Variants in DYM observed in about 807,000 individuals in gnomAD.
The protein encoded by DYM is dyggve-Melchior-Clausen syndrome protein.
A neutral mutation model predicts 93.1 loss-of-function variants in DYM; 78 were observed. The ratio of observed to expected loss-of-function variants is 0.84; its 90% CI spans 0.70 to 1.01. DYM has a LOEUF of 1.01. DYM is among the 50% of genes least tolerant of loss of function. The pLI is 0.00. For synonymous variants in DYM, 321 were observed against 319.7 expected, an observed-to-expected ratio of 1.00 and a Z score of -0.04; for missense variants, 789 against 845.0, an observed-to-expected ratio of 0.93 and a Z score of 0.82.
chr18:49,091,605 C>A (rs1229130828), intron 17 of DYM, among the ~76,000 whole-genome samples: 1 of 152,160 alleles, frequency 6.6e-6, no homozygotes, highest in African/African-American at 2.4e-5. Context: ...GCGCTGACTG[C>A]CCCAGCCCCA....
chr18:49,186,856 G>A (rs936800704), intron 14 of DYM, among the ~76,000 whole-genome samples: 2 of 151,174 alleles, frequency 1.3e-5, no homozygotes, highest in South Asian at 2.1e-4. Flanking sequence ...AGGGACAAAC[G>A]CTCAGTTGTG....
At chr18:49,081,667 T>TGG (rs2078051796) in intron 17 of DYM, among the ~76,000 whole-genome samples, 1 of 152,220 alleles carries the variant, frequency 6.6e-6, no homozygotes, top group Admixed American at 6.5e-5. Flanking sequence ...TGCAGATGTG[T>TGG]GGTTCAAGGT....
At chr18:49,377,045 G>A (rs2067567535) in intron 5 of DYM, among the ~76,000 whole-genome samples, 1 of 152,052 alleles carries the variant, frequency 6.6e-6, no homozygotes, top group African/African-American at 2.4e-5. Context: ...AAATACACAT[G>A]GTCACTCTGC....
At chr18:49,333,880 A>T in intron 6 of DYM, 27 bp from the exon 7 acceptor site, 2 of 1,594,372 alleles carry the variant, frequency 1.3e-6, no homozygotes, top group Non-Finnish European at 1.7e-6. Flanking sequence ...ACAGAGTAAC[A>T]GTCACTTTGG....
At chr18:49,104,462 G>A (rs1022681388) in intron 16 of DYM, among the ~76,000 whole-genome samples, 2 of 152,180 alleles carry the variant, frequency 1.3e-5, no homozygotes, top group Non-Finnish European at 2.9e-5. Context: ...GAATAGGAGT[G>A]GTGAGAGAAG....
At chr18:49,205,599 A>G (rs973703724) in intron 14 of DYM, among the ~76,000 whole-genome samples, 1 of 152,212 alleles carries the variant, frequency 6.6e-6, no homozygotes, top group Non-Finnish European at 1.5e-5. Flanking sequence ...AGAAGATAAT[A>G]AAAAGACTGC....
chr18:49,217,341 T>C (rs1321414202), intron 13 of DYM, among the ~76,000 whole-genome samples: 2 of 152,106 alleles, frequency 1.3e-5, no homozygotes, highest in Non-Finnish European at 2.9e-5. Context: ...CAGGATATTA[T>C]CCAGGAGAAC....
At chr18:49,275,485 T>C (rs1038503259) in intron 10 of DYM, among the ~76,000 whole-genome samples, 1 of 152,208 alleles carries the variant, frequency 6.6e-6, no homozygotes, top group Non-Finnish European at 1.5e-5. Context: ...TTTAATCATC[T>C]TGTCAATCTC....
rs539792553 is a variant in DYM at position 49,210,501 on chromosome 18, A to C, written c.1461-786T>G. ...TTTATATGACATTCTGGAAAAGGAA[A>C]AACTATGGAGACAGCAAAAAGATTA... On this transcript the variant is annotated intron_variant, in intron 13 of 17. Coordinates refer to ENST00000675505, the MANE Select transcript of DYM (RefSeq NM_001353214.3). 1.5e-4 allele frequency among the ~76,000 whole-genome samples: 23 copies of C among 152,326 alleles called. 1 individual carries two copies. Among genetic ancestry groups the C allele is most frequent in the Admixed American group, 9.2e-4 (14 of 15,292 alleles).
intron 17 of DYM, among the ~76,000 whole-genome samples, chr18:49,047,562 G>A (rs528857209): frequency 6.6e-6 from 1 of 152,230 alleles, no homozygotes; most frequent in South Asian, 2.1e-4. Flanking sequence ...AAGGCCCCCA[G>A]CTTTCTACTC....
chr18:49,424,718 T>C (rs1047323378), intron 2 of DYM, among the ~76,000 whole-genome samples: 4 of 152,134 alleles, frequency 2.6e-5, no homozygotes, highest in Middle Eastern at 3.4e-3. Flanking sequence ...AATCAATGTA[T>C]AAAAATCACA....
chr18:49,314,459 C>G (rs945075125), intron 8 of DYM, among the ~76,000 whole-genome samples: 1 of 152,122 alleles, frequency 6.6e-6, no homozygotes, highest in Non-Finnish European at 1.5e-5. Context: ...TACACACGTG[C>G]GAATTCCTAT....
At chr18:49,350,309 A>G (rs1372033549) in intron 6 of DYM, among the ~76,000 whole-genome samples, 1 of 152,270 alleles carries the variant, frequency 6.6e-6, no homozygotes, top group African/African-American at 2.4e-5. Flanking sequence ...ATACATAGCT[A>G]TAAAAAATCA....
intron 17 of DYM, among the ~76,000 whole-genome samples, chr18:49,090,120 A>G (rs542487996): frequency 1.1e-4 from 17 of 152,336 alleles, no homozygotes; most frequent in African/African-American, 3.8e-4. Context: ...CAGTTTCCGG[A>G]TCCATTTATA....
At position 49,172,815 on chromosome 18, in the gene DYM, A is replaced by T. The variant is rs180992193; in HGVS notation, c.1626-9028T>A. ...CATCAGTTCATCACATTTTTAAAAAATTGTTTGTTTTTTATGTCCTATCTA... is the reference window on the plus strand; with the variant it reads ...CATCAGTTCATCACATTTTTAAAAATTTGTTTGTTTTTTATGTCCTATCTA... On this transcript the variant is annotated intron_variant, in intron 14 of 17. Transcript: ENST00000675505. Among the ~76,000 whole-genome samples, 603 of 152,202 alleles carry T rather than the reference A, an allele frequency of 4.0e-3. 4 individuals are homozygous for T. The highest frequency in any genetic ancestry group is 0.014 in the African/African-American group (586 of 41,544).
chr18:49,335,094 C>T (rs4939861), intron 6 of DYM, among the ~76,000 whole-genome samples: 13,016 of 151,290 alleles, frequency 0.086, 1,189 homozygotes, highest in East Asian at 0.33. Context: ...GCGATAAGAG[C>T]GAAACTCCAT....
Position 49,043,843 on chromosome 18 carries a change from C to T in DYM, c.*212G>A. The T allele has an allele frequency of 1.6e-6, 1 of 615,634 alleles. No individual in the cohort carries two copies. The highest frequency in any genetic ancestry group is 2.9e-6 in the Non-Finnish European group (1 of 349,192). The allele number at this position is 615,634 out of a possible 1,614,324, so 38.1% of individuals were successfully genotyped here. Reference sequence around the variant, plus strand: ...TACATTTATTATTGTTGTGTATTTCCTCCCCTTTTTGCAATACTATCTACG... The same window carrying T: ...TACATTTATTATTGTTGTGTATTTCTTCCCCTTTTTGCAATACTATCTACG... On this transcript the variant is annotated 3_prime_UTR_variant, in exon 18 of 18. Coordinates refer to ENST00000675505, the MANE Select transcript of DYM (RefSeq NM_001353214.3).
intron 15 of DYM, among the ~76,000 whole-genome samples, chr18:49,148,763 C>G (rs986875460): frequency 5.3e-5 from 8 of 152,130 alleles, no homozygotes; most frequent in Admixed American, 3.3e-4. Flanking sequence ...AAACTCCTTT[C>G]CAGCCCCATT....
intron 8 of DYM, among the ~76,000 whole-genome samples, chr18:49,296,218 C>T (rs2060540124): frequency 1.3e-5 from 2 of 152,040 alleles, no homozygotes; most frequent in Middle Eastern, 3.2e-3. Context: ...CACGAGCCAC[C>T]CAAAACCATA....
Sources: gnomAD v4.1 joint callset for allele counts (sites outside exome capture counted in the v4.1 genomes callset) on GRCh38, gnomAD v4.1.1 for gene constraint, MANE v1.5 for transcripts, NCBI Gene and HGNC (gene_info 2026-07-23, HGNC 2026-07-21) for gene names.